RNF40: variants seen among roughly 807,000 people sequenced by gnomAD.
RNF40 encodes the protein E3 ubiquitin-protein ligase BRE1B.
Under a neutral mutation model 123.3 loss-of-function variants are expected in RNF40, and 39 were observed. The observed-to-expected ratio is 0.32, with a 90% CI of 0.24 to 0.41. The LOEUF (loss-of-function observed/expected upper bound fraction) is 0.41, where lower values mean the gene tolerates loss of function less well. Ranked by LOEUF, RNF40 falls within the 10% of genes least tolerant of loss-of-function variation. The pLI is 1.00. For synonymous variants in RNF40, 538 were observed against 526.0 expected, an observed-to-expected ratio of 1.02 and a Z score of -0.31; for missense variants, 1,003 against 1,319.9, an observed-to-expected ratio of 0.76 and a Z score of 3.72.
chr16:30,764,264 G>A lies in RNF40; in HGVS notation c.528G>A (p.Glu176=). The stretch of plus-strand genomic sequence containing the variant: ...CACTGGGTGCCAGCAGCAGTGAGGA[G>A]GTGGAGCTGGAGCTGCAAGGCCGAA... The part of the protein sequence containing the change: ...VVALGASSSE[E]VELELQGRME... The change falls in exon 5 of 20, where the codon GAG becomes GAA. Residue 176 remains glutamate, a synonymous_variant. Coordinates refer to ENST00000324685, the MANE Select transcript of RNF40 (RefSeq NM_014771.4). 6.2e-7 allele frequency: 1 copy of A among 1,613,352 alleles called. No homozygotes were observed. The highest frequency in any genetic ancestry group is 8.5e-7 in the Non-Finnish European group (1 of 1,179,694).
intron 17 of RNF40, 78 bp downstream of exon 17, chr16:30,769,678 G>A (rs1258975142): frequency 3.2e-5 from 46 of 1,429,562 alleles, no homozygotes; most frequent in Non-Finnish European, 4.1e-5. Flanking sequence ...CAGAGCACCC[G>A]ATGCAATAGC....
chr16:30,774,429 C>A lies in RNF40; in HGVS notation c.*315C>A, dbSNP rs1348425074. 5 of 318,534 alleles carry A rather than the reference C, an allele frequency of 1.6e-5. No homozygotes were observed. Among genetic ancestry groups the A allele is most frequent in the Non-Finnish European group, 2.9e-5 (5 of 170,936 alleles). The allele number at this position is 318,534 out of a possible 1,614,324, so 19.7% of individuals were successfully genotyped here. A position where few individuals can be genotyped will look rare whatever the true frequency, so the allele number is the denominator to read the frequency against. On this transcript the variant is annotated 3_prime_UTR_variant, in exon 20 of 20. Transcript: ENST00000324685. ...AAACTGGCCCTAACCTGTCTGTCTC[C>A]GTGGATGCATCCTAACCCTAAGGAA...
chr16:30,762,991 T>C (rs898769616), intron 2 of RNF40, 127 bp from the exon 3 acceptor site: 3 of 1,057,332 alleles, frequency 2.8e-6, no homozygotes, highest in Non-Finnish European at 1.4e-6. Context: ...TAGATTCTGT[T>C]AGCGGTTAGT....
rs1351687152 is a variant in RNF40, at chr16:30,768,585, C to T, written c.1980-34C>T. 1 of 1,614,068 alleles carries T rather than the reference C, an allele frequency of 6.2e-7. No homozygotes were observed. The highest frequency in any genetic ancestry group is 1.7e-5 in the Admixed American group (1 of 60,034). On this transcript the variant is annotated intron_variant, in intron 13 of 19. Transcript: ENST00000324685. This position sits in a 1 kb window ranked among gnomAD's most constrained non-coding sequence, Gnocchi z 4.1. The stretch of plus-strand genomic sequence containing the variant: ...CCCTGCCAGGTGGCCTCCAGTCCCA[C>T]TCACTAAGACTTCCTCCTGTACCTT...
Position 30,768,136 on chromosome 16 carries a change from A to G in RNF40, c.1585A>G (p.Thr529Ala). 6.2e-7 allele frequency: 1 copy of G among 1,607,026 alleles called. No homozygotes were observed. ...RAQASGSAHS[T>A]PNLGHPEDSG... ...CCAGGCCAGTGGCTCTGCCCACTCC[A>G]CCCCCAACCTGGGCCACCCAGAGGA... Residue 529 changes from threonine (T) to alanine (A), a missense_variant, in exon 13 of 20, where the codon ACC becomes GCC. By Grantham distance (58) the Thr-to-Ala change is moderately conservative. Transcript: ENST00000324685. This position sits in a 1 kb window ranked among gnomAD's most constrained non-coding sequence, Gnocchi z 4.1.
rs2054137840 is a variant in RNF40 at position 30,770,956 on chromosome 16, C to T, written c.2587-877C>T. Among the ~76,000 whole-genome samples, 3 of 152,252 alleles carry T rather than the reference C, an allele frequency of 2.0e-5. No individual in the cohort carries two copies. In the South Asian group the frequency reaches 6.2e-4, roughly 32 times the overall value. On this transcript the variant is annotated intron_variant, in intron 17 of 19. Transcript: ENST00000324685. ...CAAACTCCTGACATCGTGATTTGCC[C>T]GCCTTGGCCTCCCAAAGTGTTGGGA...
rs1220226476 is a variant in RNF40 at position 30,766,106 on chromosome 16, G to A, written c.994-57G>A. On this transcript the variant is annotated intron_variant, in intron 8 of 19. Transcript: ENST00000324685. This position sits in a 1 kb window ranked among gnomAD's most constrained non-coding sequence, Gnocchi z 5.4. ...GTGGAGTGTATGCTGGGGATGTAAG[G>A]GAGGCCTGCTGCCACGTCTGGCCCT... is the stretch of plus-strand genomic sequence containing the variant. 6.2e-7 allele frequency: 1 copy of A among 1,611,500 alleles called. No homozygotes were observed. The highest frequency in any genetic ancestry group is 8.5e-7 in the Non-Finnish European group (1 of 1,178,952).
chr16:30,764,452 T>C, intron 5 of RNF40, 67 bp downstream of exon 5: 1 of 1,390,504 alleles, frequency 7.2e-7, no homozygotes, highest in South Asian at 1.2e-5. Flanking sequence ...CACCCCTTCC[T>C]GATTCCCCTA....
In RNF40 at chr16:30,775,118, A is replaced by G. The variant is rs2151337557; in HGVS notation, c.*1004A>G. On this transcript the variant is annotated 3_prime_UTR_variant, in exon 20 of 20. Transcript: ENST00000324685. ...GAGCTGCAGGGACCCGTTTGGACCC[A>G]CAGCCTCTGTTCTAGAGATGCTTGT... The G allele has an allele frequency of 2.2e-6, 1 of 444,888 alleles. No homozygotes were observed. Among genetic ancestry groups the G allele is most frequent in the African/African-American group, 2.0e-5 (1 of 49,838 alleles). The allele number at this position is 444,888 out of a possible 1,614,324, so 27.6% of individuals were successfully genotyped here.
In RNF40 at chr16:30,763,300, C is replaced by T; in HGVS notation, c.300+15C>T. 1.2e-6 allele frequency: 2 copies of T among 1,613,492 alleles called. No homozygotes were observed. Among genetic ancestry groups the T allele is most frequent in the Non-Finnish European group, 1.7e-6 (2 of 1,179,420 alleles). On this transcript the variant is annotated intron_variant, in intron 3 of 19. Transcript: ENST00000324685. The stretch of plus-strand genomic sequence containing the variant: ...ACTGGGCCCAGGTGGATACCTTCTG[C>T]TTTCAAAGACCAGGCCTTGATTCAG...
At position 30,766,325 on chromosome 16, in the gene RNF40, A is replaced by C. The variant is rs1210554017; in HGVS notation, c.1113+43A>C. ...CTGAGAGGTCCTGGGCCTGTAAGGG[A>C]GGGACTGAGCCCTGAATCCTGTTGC... On this transcript the variant is annotated intron_variant, in intron 9 of 19. Transcript: ENST00000324685. This position sits in a 1 kb window ranked among gnomAD's most constrained non-coding sequence, Gnocchi z 5.4. 6.2e-7 allele frequency: 1 copy of C among 1,613,712 alleles called. No individual in the cohort carries two copies. Among genetic ancestry groups the C allele is most frequent in the Admixed American group, 1.7e-5 (1 of 60,002 alleles).
chr16:30,764,867 G>C, intron 5 of RNF40, 71 bp from the exon 6 acceptor site: 1 of 1,556,396 alleles, frequency 6.4e-7, no homozygotes, highest in Non-Finnish European at 8.7e-7. Flanking sequence ...GTATATAGCA[G>C]ACTCCAGAAT....
rs749475128 is a variant in RNF40, at chr16:30,765,441, A to G, written c.935A>G (p.Tyr312Cys). 4 of 1,614,110 alleles carry G rather than the reference A, an allele frequency of 2.5e-6. No homozygotes were observed. Among genetic ancestry groups the G allele is most frequent in the Non-Finnish European group, 3.4e-6 (4 of 1,180,012 alleles). Residue 312 changes from tyrosine to cysteine, a missense_variant, in exon 8 of 20, where the codon TAT (tyrosine) becomes TGT (cysteine). Coordinates refer to ENST00000324685, the MANE Select transcript of RNF40 (RefSeq NM_014771.4). ...TCTCCACAGCTTAACTCTGGCTACT[A>G]TGTATCTGGGAGCTCCTCAGGCTTC... ...EALEQLNSGY[Y>C]VSGSSSGFQG... is the part of the protein sequence containing the mutation.
chr16:30,768,517 C>A lies in RNF40; in HGVS notation c.1966C>A (p.Arg656=). 5.0e-6 allele frequency: 8 copies of A among 1,610,328 alleles called. No homozygotes were observed. Among genetic ancestry groups the A allele is most frequent in the Non-Finnish European group, 6.8e-6 (8 of 1,177,532 alleles). ...RKESELLKGL[R]AELKKAQESQ... ...GGAATCAGAACTCCTCAAGGGTCTC[C>A]GAGCAGAGCTCAAGTGAGGCTCTGT... Residue 656 remains arginine (R), a synonymous_variant, in exon 13 of 20, where the codon CGA becomes AGA. Coordinates refer to ENST00000324685, the MANE Select transcript of RNF40 (RefSeq NM_014771.4). The surrounding 1 kb of genome is among the most constrained non-coding windows in gnomAD (Gnocchi z 4.1).
chr16:30,761,854 C>T (rs368063124), upstream of RNF40: 145 of 1,129,568 alleles, frequency 1.3e-4, no homozygotes, highest in East Asian at 3.7e-3. Flanking sequence ...GTTCGCCTCG[C>T]TCCGGCCAAT....
At chr16:30,762,737 C>T in intron 2 of RNF40, 60 bp downstream of exon 2, 1 of 1,581,796 alleles carries the variant, frequency 6.3e-7, no homozygotes, top group South Asian at 1.2e-5. Flanking sequence ...TGTTCTCTGG[C>T]CAAACTGTGC....
In RNF40 at chr16:30,768,042, G is replaced by T; in HGVS notation, c.1551+27G>T. 1.9e-6 allele frequency: 3 copies of T among 1,614,234 alleles called. No homozygotes were observed. Among genetic ancestry groups the T allele is most frequent in the Non-Finnish European group, 1.7e-6 (2 of 1,180,044 alleles). ...TGAGAAGGGGCCTGCCTGGGAAAAG[G>T]TTTGGCTAGACTCCAGTGAACACCA... On this transcript the variant is annotated intron_variant, in intron 12 of 19. Coordinates refer to ENST00000324685, the MANE Select transcript of RNF40 (RefSeq NM_014771.4). The surrounding 1 kb of genome is among the most constrained non-coding windows in gnomAD (Gnocchi z 4.1).
chr16:30,766,886 G>T lies in RNF40; in HGVS notation c.1429+10G>T. 1 of 1,612,290 alleles carries T rather than the reference G, an allele frequency of 6.2e-7. No homozygotes were observed. Among genetic ancestry groups the T allele is most frequent in the South Asian group, 1.1e-5 (1 of 90,964 alleles). ...GCCAACGAGCAGGCGGGTATGTGGT[G>T]AGGATAGGGCGGAGGTGGGGCCTTA... On this transcript the variant is annotated intron_variant, in intron 11 of 19. Transcript: ENST00000324685. This position sits in a 1 kb window ranked among gnomAD's most constrained non-coding sequence, Gnocchi z 5.4.
chr16:30,764,383 G>A lies in RNF40; in HGVS notation c.647G>A (p.Arg216Gln), dbSNP rs564363255. ...GAACTCTGTCAGCGAGTGTACAGCC[G>A]AGGTGGGTTCTTTGTGCCCATACTG... ...VEELCQRVYS[R>Q]GDSEPLSEAA... The change falls in exon 5 of 20, where the codon CGA becomes CAA. Residue 216 changes from arginine to glutamine, a missense_variant and splice_region_variant. Coordinates refer to ENST00000324685, the MANE Select transcript of RNF40 (RefSeq NM_014771.4). The A allele has an allele frequency of 1.6e-5, 25 of 1,611,948 alleles. No individual in the cohort carries two copies. Among genetic ancestry groups the A allele is most frequent in the African/African-American group, 5.3e-5 (4 of 74,996 alleles).
Sources: gnomAD v4.1 joint callset for allele counts (sites outside exome capture counted in the v4.1 genomes callset) on GRCh38, gnomAD v4.1.1 for gene constraint, Gnocchi (gnomAD v3.1) non-coding constraint, MANE v1.5 for transcripts, NCBI Gene and HGNC (gene_info 2026-07-23, HGNC 2026-07-21) for gene names.